LRRTM4: variants seen among roughly 807,000 people sequenced by gnomAD.
The protein encoded by LRRTM4 is leucine-rich repeat transmembrane neuronal protein 4.
A neutral mutation model predicts 47.6 loss-of-function variants in LRRTM4; 25 were observed. The observed-to-expected ratio is 0.53, with a 90% CI of 0.38 to 0.73. The LOEUF (loss-of-function observed/expected upper bound fraction) is 0.73. Ranked by LOEUF, LRRTM4 falls within the 30% of genes least tolerant of loss-of-function variation. The probability of loss-of-function intolerance (pLI) is 0.00; values close to 1 mark genes in which losing one functional copy is unlikely to be tolerated. For synonymous variants in LRRTM4, 311 were observed against 269.5 expected (o/e 1.15, Z -1.51); for missense variants, 638 against 713.4 (o/e 0.89, Z 1.20).
At chr2:77,237,328 T>C (rs1243647949) in intron 3 of LRRTM4, among the ~76,000 whole-genome samples, 1 of 152,108 alleles carries the variant, frequency 6.6e-6, no homozygotes, top group Non-Finnish European at 1.5e-5. Flanking sequence ...TTTTCTAGTT[T>C]GTATACAAAG....
chr2:77,301,601 T>A (rs1486540990), intron 3 of LRRTM4, among the ~76,000 whole-genome samples: 1 of 152,074 alleles, frequency 6.6e-6, no homozygotes, highest in Non-Finnish European at 1.5e-5. Context: ...AACTATCACA[T>A]TAATATTCCT....
intron 3 of LRRTM4, among the ~76,000 whole-genome samples, chr2:76,975,612 C>T (rs891273456): frequency 2.6e-5 from 4 of 151,552 alleles, no homozygotes; most frequent in Admixed American, 6.6e-5. Flanking sequence ...ATCATACCTC[C>T]AACAGCCAGA....
chr2:77,407,934 G>A (rs1319260459), intron 3 of LRRTM4, among the ~76,000 whole-genome samples: 1 of 151,262 alleles, frequency 6.6e-6, no homozygotes, highest in Non-Finnish European at 1.5e-5. Flanking sequence ...GGCAACAGAG[G>A]AAACAAATCA....
chr2:76,940,825 G>A (rs909034102), intron 3 of LRRTM4, among the ~76,000 whole-genome samples: 1 of 152,090 alleles, frequency 6.6e-6, no homozygotes, highest in Non-Finnish European at 1.5e-5. Flanking sequence ...ATTTAAACCT[G>A]ATAGCTTAGT....
Position 77,477,727 on chromosome 2 carries a change from T to C in LRRTM4, c.1551+40591A>G, listed in dbSNP as rs567981068. Among the ~76,000 whole-genome samples the C allele has an allele frequency of 8.6e-5, 13 of 150,548 alleles. No individual in the cohort carries two copies. In the South Asian group the frequency reaches 2.7e-3, roughly 32 times the overall value. On this transcript the variant is annotated intron_variant, in intron 3 of 3. Transcript: ENST00000409884. The stretch of plus-strand genomic sequence containing the variant: ...TACAAAATTAGCTCTGTGTGGTGGC[T>C]ACTTGGGAGGCTATGGCAGGAGAAT...
chr2:77,140,118 A>G (rs1672077263), intron 3 of LRRTM4, among the ~76,000 whole-genome samples: 1 of 152,112 alleles, frequency 6.6e-6, no homozygotes, highest in African/African-American at 2.4e-5. Flanking sequence ...GAATTGGAAA[A>G]AGCTACTTTA....
intron 3 of LRRTM4, among the ~76,000 whole-genome samples, chr2:76,960,249 G>A (rs932288822): frequency 6.6e-6 from 1 of 151,496 alleles, no homozygotes; most frequent in African/African-American, 2.4e-5. Context: ...AAGTGTATCA[G>A]CTAGTTATAA....
intron 3 of LRRTM4, among the ~76,000 whole-genome samples, chr2:77,133,879 T>C (rs1016518860): frequency 6.6e-6 from 1 of 152,216 alleles, no homozygotes; most frequent in East Asian, 1.9e-4. Context: ...GTTTGTTCTA[T>C]TGTGTTTTCC....
intron 3 of LRRTM4, among the ~76,000 whole-genome samples, chr2:77,271,844 C>T (rs535194057): frequency 6.6e-6 from 1 of 152,034 alleles, no homozygotes; most frequent in Non-Finnish European, 1.5e-5. Flanking sequence ...TTCTTATTTC[C>T]TACGAAAATA....
chr2:77,500,058 G>T (rs983808433), intron 3 of LRRTM4, among the ~76,000 whole-genome samples: 6 of 151,596 alleles, frequency 4.0e-5, no homozygotes, highest in African/African-American at 1.5e-4. Flanking sequence ...CCAGTATAAA[G>T]ACACTCTTAA....
rs1041049798 is a variant in LRRTM4 at position 77,073,418 on chromosome 2, T to C, written c.1552-324502A>G. Among the ~76,000 whole-genome samples, 5 of 152,116 alleles carry C rather than the reference T, an allele frequency of 3.3e-5. No homozygotes were observed. The South Asian group carries it at 1.0e-3, about 31-fold the overall frequency. Reference sequence around the variant, plus strand: ...ATACATTAATTATTATTATCTATTATACATAGGATGAGGAATTATATAGCA... The same window carrying C: ...ATACATTAATTATTATTATCTATTACACATAGGATGAGGAATTATATAGCA... On this transcript the variant is annotated intron_variant, in intron 3 of 3. Coordinates refer to ENST00000409884, the MANE Select transcript of LRRTM4 (RefSeq NM_001134745.3).
intron 3 of LRRTM4, among the ~76,000 whole-genome samples, chr2:77,125,649 C>T (rs1671635355): frequency 6.6e-6 from 1 of 152,072 alleles, no homozygotes. Context: ...CAATTAAAAC[C>T]AAAGTGCATG....
At chr2:76,899,829 T>G (rs916230041) in intron 3 of LRRTM4, among the ~76,000 whole-genome samples, 2 of 152,200 alleles carry the variant, frequency 1.3e-5, no homozygotes, top group Non-Finnish European at 2.9e-5. Context: ...CTATGAGAGC[T>G]AGAACAAGTT....
intron 3 of LRRTM4, among the ~76,000 whole-genome samples, chr2:76,770,670 T>G (rs72917800): frequency 0.019 from 2,962 of 152,292 alleles, 97 homozygotes; most frequent in African/African-American, 0.063. Flanking sequence ...ATCTCTTGAT[T>G]AAAAGTAAAA....
chr2:76,928,113 A>G (rs1674649005), intron 3 of LRRTM4, among the ~76,000 whole-genome samples: 1 of 152,134 alleles, frequency 6.6e-6, no homozygotes, highest in African/African-American at 2.4e-5. Context: ...CACATAATAA[A>G]TGTTTGTTGA....
chr2:76,996,416 G>T (rs994209975), intron 3 of LRRTM4, among the ~76,000 whole-genome samples: 2 of 151,964 alleles, frequency 1.3e-5, no homozygotes, highest in African/African-American at 2.4e-5. Flanking sequence ...TTCTTTTCAG[G>T]TTACCTGAAC....
intron 3 of LRRTM4, among the ~76,000 whole-genome samples, chr2:77,216,525 C>A (rs1226997536): frequency 6.6e-6 from 1 of 151,862 alleles, no homozygotes; most frequent in Non-Finnish European, 1.5e-5. Flanking sequence ...AGCCTGCTGA[C>A]AGAGTGAGAA....
intron 3 of LRRTM4, among the ~76,000 whole-genome samples, chr2:77,247,971 CTT>C (rs1176816037): frequency 1.3e-5 from 2 of 149,902 alleles, no homozygotes; most frequent in African/African-American, 2.4e-5. Context: ...CATTTTAAGA[CTT>C]TATATTACTT....
At chr2:77,149,245 A>G (rs1408232939) in intron 3 of LRRTM4, among the ~76,000 whole-genome samples, 1 of 152,156 alleles carries the variant, frequency 6.6e-6, no homozygotes, top group East Asian at 1.9e-4. Flanking sequence ...CTTTTTTACC[A>G]ATTGCATACT....
Sources: allele counts gnomAD v4.1 joint callset (sites outside exome capture counted in the v4.1 genomes callset), GRCh38; gene constraint gnomAD v4.1.1; transcripts MANE v1.5; gene names NCBI Gene and HGNC (gene_info 2026-07-23, HGNC 2026-07-21).